Variants in ASIP observed in about 807,000 individuals in gnomAD.
The protein encoded by ASIP is agouti-signaling protein.
Under a neutral mutation model 10.3 loss-of-function variants are expected in ASIP, and 11 were observed. That is an observed-to-expected ratio of 1.07 (90% CI 0.68 to 1.78). The LOEUF (loss-of-function observed/expected upper bound fraction) is 1.78, where lower values mean the gene tolerates loss of function less well. Among genes scored for constraint, ASIP ranks in the 40% most tolerant of loss-of-function variants. The pLI is 0.00. For synonymous variants in ASIP, 70 were observed against 70.8 expected, an observed-to-expected ratio of 0.99 and a Z score of 0.06; for missense variants, 180 against 169.2, an observed-to-expected ratio of 1.06 and a Z score of -0.35.
At position 34,269,248 on chromosome 20, in the gene ASIP, G is replaced by A; in HGVS notation, c.*81G>A. 1 of 1,410,002 alleles carries A rather than the reference G, an allele frequency of 7.1e-7. No individual in the cohort carries two copies. The allele number at this position is 1,410,002 out of a possible 1,614,324, so 87.3% of individuals were successfully genotyped here. A position where few individuals can be genotyped will look rare whatever the true frequency, so the allele number is the denominator to read the frequency against. ...CGGGCGGGTGATCCCTAACAGGGCG[G>A]CTTCCCAGGGCTGCAGGCGGGCGGA... On this transcript the variant is annotated 3_prime_UTR_variant, in exon 4 of 4. Coordinates refer to ENST00000374954, the MANE Select transcript of ASIP (RefSeq NM_001672.3).
At chr20:34,212,006 C>G (rs2034978167) in intron 1 of ASIP, among the ~76,000 whole-genome samples, 1 of 152,140 alleles carries the variant, frequency 6.6e-6, no homozygotes, top group African/African-American at 2.4e-5. Flanking sequence ...TTTTCTCTCT[C>G]TTATCCTTCT....
At chr20:34,253,504 G>C (rs960462550) in intron 1 of ASIP, among the ~76,000 whole-genome samples, 2 of 150,116 alleles carry the variant, frequency 1.3e-5, no homozygotes, top group Admixed American at 1.3e-4. Flanking sequence ...ACAGAGTCTT[G>C]CTCCGTTGCC....
chr20:34,240,715 G>T (rs1386289136), upstream of ASIP, among the ~76,000 whole-genome samples: 4 of 152,130 alleles, frequency 2.6e-5, no homozygotes, highest in Admixed American at 2.6e-4. Context: ...GTTTTTCTAG[G>T]TTAACTCAAT....
At chr20:34,212,981 T>C (rs914626910) in intron 1 of ASIP, among the ~76,000 whole-genome samples, 2 of 152,202 alleles carry the variant, frequency 1.3e-5, no homozygotes, top group African/African-American at 2.4e-5. Context: ...GCACTTGACA[T>C]ACTACTATAA....
intron 1 of ASIP, chr20:34,213,810 CTG>C: frequency 2.0e-6 from 3 of 1,512,444 alleles, no homozygotes; most frequent in Non-Finnish European, 2.8e-6. Flanking sequence ...GCAAGAATGT[CTG>C]TAAACAGTCC....
chr20:34,222,497 T>C (rs2035054472), intron 1 of ASIP, among the ~76,000 whole-genome samples: 1 of 152,172 alleles, frequency 6.6e-6, no homozygotes, highest in Admixed American at 6.5e-5. Flanking sequence ...TGTAGAAGCC[T>C]AACATGCAGA....
At chr20:34,257,143 G>A (rs2035587570) in intron 1 of ASIP, among the ~76,000 whole-genome samples, 1 of 149,440 alleles carries the variant, frequency 6.7e-6, no homozygotes, top group Admixed American at 6.7e-5. Context: ...GAGTGAAGTG[G>A]TACGATCTCA....
upstream of ASIP, among the ~76,000 whole-genome samples, chr20:34,241,311 T>C (rs2035280348): frequency 6.6e-6 from 1 of 152,248 alleles, no homozygotes; most frequent in African/African-American, 2.4e-5. Context: ...CTATTTTCAC[T>C]GTGGATCTGA....
chr20:34,217,207 G>T (rs1199695552), intron 1 of ASIP, among the ~76,000 whole-genome samples: 1 of 152,046 alleles, frequency 6.6e-6, no homozygotes, highest in Admixed American at 6.5e-5. Context: ...AGAGGCCAAG[G>T]CAGGTGGATC....
chr20:34,263,363 G>A (rs2035728371), intron 3 of ASIP, among the ~76,000 whole-genome samples: 1 of 152,264 alleles, frequency 6.6e-6, no homozygotes, highest in East Asian at 1.9e-4. Context: ...TCAGGAGTTC[G>A]AGACTAGCCT....
At chr20:34,221,780 G>A (rs182445406) in intron 1 of ASIP, among the ~76,000 whole-genome samples, 28 of 152,204 alleles carry the variant, frequency 1.8e-4, no homozygotes, top group East Asian at 1.9e-4. Flanking sequence ...AGGGCATAGC[G>A]GAAGGAATAG....
intron 1 of ASIP, among the ~76,000 whole-genome samples, chr20:34,221,171 G>A (rs1246093340): frequency 4.0e-5 from 6 of 151,850 alleles, no homozygotes; most frequent in Admixed American, 3.9e-4. Context: ...GAGGTCAGGA[G>A]ATCGAGACCA....
chr20:34,265,011 G>A (rs1399452503), intron 3 of ASIP, among the ~76,000 whole-genome samples: 2 of 151,880 alleles, frequency 1.3e-5, no homozygotes, highest in Non-Finnish European at 2.9e-5. Context: ...GCCCGGGCTG[G>A]TCTCAAACTC....
chr20:34,245,600 A>T (rs1013293940), intron 1 of ASIP, among the ~76,000 whole-genome samples: 2 of 151,704 alleles, frequency 1.3e-5, no homozygotes, highest in African/African-American at 4.8e-5. Flanking sequence ...CATATTGGCC[A>T]GGCTGGTCTC....
chr20:34,247,795 C>A (rs1008810087), intron 1 of ASIP, among the ~76,000 whole-genome samples: 1 of 151,826 alleles, frequency 6.6e-6, no homozygotes, highest in Non-Finnish European at 1.5e-5. Flanking sequence ...TGAGGTCTTG[C>A]CGTGTTGCCC....
chr20:34,207,741 A>C (rs1031296581), intron 1 of ASIP, among the ~76,000 whole-genome samples: 1 of 151,928 alleles, frequency 6.6e-6, no homozygotes, highest in African/African-American at 2.4e-5. Context: ...ATTCTTCTTC[A>C]TATGGATATC....
At chr20:34,214,742 T>A (rs1338287670) in intron 1 of ASIP, 47 of 1,210,838 alleles carry the variant, frequency 3.9e-5, no homozygotes, top group Non-Finnish European at 5.7e-5. Context: ...ACGGCCAACA[T>A]GATTGCCTCC....
chr20:34,198,556 C>T (rs2034873327), intron 1 of ASIP, among the ~76,000 whole-genome samples: 2 of 152,044 alleles, frequency 1.3e-5, no homozygotes, highest in Non-Finnish European at 1.5e-5. Flanking sequence ...GTGTGATCAT[C>T]CTTCACTGCA....
intron 1 of ASIP, among the ~76,000 whole-genome samples, chr20:34,196,048 T>G (rs1414286179): frequency 6.6e-6 from 1 of 152,072 alleles, no homozygotes; most frequent in Non-Finnish European, 1.5e-5. Flanking sequence ...CAAGCACTTC[T>G]GCCTATGGGT....
Sources: allele counts gnomAD v4.1 joint callset (sites outside exome capture counted in the v4.1 genomes callset), GRCh38; gene constraint gnomAD v4.1.1; transcripts MANE v1.5; gene names NCBI Gene and HGNC (gene_info 2026-07-23, HGNC 2026-07-21).